Variants in TLE1 observed in about 807,000 individuals in gnomAD.
The protein encoded by TLE1 is TLE family member 1, transcriptional corepressor.
Under a neutral mutation model 89.8 loss-of-function variants are expected in TLE1, and 21 were observed. That is an observed-to-expected ratio of 0.23 (90% CI 0.17 to 0.34). TLE1 has a LOEUF of 0.34. Ranked by LOEUF, TLE1 falls within the 10% of genes least tolerant of loss-of-function variation. The pLI, the probability that TLE1 is intolerant of heterozygous loss-of-function variation, is 1.00. For missense variants in TLE1, 795 were observed against 1,031.2 expected, an observed-to-expected ratio of 0.77 and a Z score of 3.14; for synonymous variants, 447 against 407.6, an observed-to-expected ratio of 1.10 and a Z score of -1.16.
At chr9:81,595,186 T>C (rs1452841567) in intron 14 of TLE1, among the ~76,000 whole-genome samples, 2 of 152,200 alleles carry the variant, frequency 1.3e-5, no homozygotes, top group Admixed American at 6.5e-5. Context: ...TCATTTTTTA[T>C]CCAACAGGAT....
intron 10 of TLE1, 108 bp downstream of exon 10, chr9:81,616,538 A>C: frequency 8.8e-7 from 1 of 1,131,500 alleles, no homozygotes; most frequent in Non-Finnish European, 1.3e-6. Context: ...AGAAGTTGCA[A>C]GAGGTCCCCC....
intron 4 of TLE1, among the ~76,000 whole-genome samples, chr9:81,677,079 T>C (rs1474171405): frequency 6.6e-6 from 1 of 151,390 alleles, no homozygotes; most frequent in East Asian, 2.0e-4. Context: ...TCTACCAAAA[T>C]GTAACAATTA....
intron 8 of TLE1, among the ~76,000 whole-genome samples, chr9:81,629,803 T>TA (rs2132299164): frequency 6.6e-6 from 1 of 152,280 alleles, no homozygotes; most frequent in East Asian, 1.9e-4. Flanking sequence ...AAAGGTACAG[T>TA]AAAAATACGG....
At position 81,659,970 on chromosome 9, in the gene TLE1, G is replaced by A. The variant is rs78892898; in HGVS notation, c.235-5934C>T. Among the ~76,000 whole-genome samples, 1,223 of 152,018 alleles carry A rather than the reference G, an allele frequency of 8.0e-3. 15 individuals are homozygous for A. The highest frequency in any genetic ancestry group is 0.028 in the African/African-American group (1,141 of 41,450). On this transcript the variant is annotated intron_variant, in intron 4 of 19. Transcript: ENST00000376499. ...CCTTTCCCCCATAACGCCAATAAACGCACTCTTCTCTAGGCCCTTCAAGAT... is the reference window on the plus strand; with the variant it reads ...CCTTTCCCCCATAACGCCAATAAACACACTCTTCTCTAGGCCCTTCAAGAT...
At chr9:81,630,669 C>T (rs1321722299) in intron 8 of TLE1, among the ~76,000 whole-genome samples, 2 of 152,156 alleles carry the variant, frequency 1.3e-5, no homozygotes, top group Non-Finnish European at 2.9e-5. Context: ...TAACCTTTCA[C>T]TGGATTAAAA....
chr9:81,604,215 C>A (rs1455882041), intron 14 of TLE1, among the ~76,000 whole-genome samples: 1 of 152,182 alleles, frequency 6.6e-6, no homozygotes. Context: ...TCCTTCCCTG[C>A]ACCCCATCCT....
intron 8 of TLE1, among the ~76,000 whole-genome samples, chr9:81,632,360 C>A (rs1288825638): frequency 6.6e-6 from 1 of 151,118 alleles, no homozygotes; most frequent in Admixed American, 6.6e-5. Context: ...GTCTCAAAGA[C>A]AATTTTAAAA....
chr9:81,681,946 T>C (rs976572906), intron 4 of TLE1, among the ~76,000 whole-genome samples: 2 of 151,956 alleles, frequency 1.3e-5, no homozygotes, highest in African/African-American at 4.8e-5. Flanking sequence ...CATGAGGGGA[T>C]AGGAAGAAGC....
chr9:81,668,122 G>A (rs1248626315), intron 4 of TLE1, among the ~76,000 whole-genome samples: 1 of 151,722 alleles, frequency 6.6e-6, no homozygotes, highest in Non-Finnish European at 1.5e-5. Flanking sequence ...CCGAGATCGC[G>A]CCACTGCACT....
intron 14 of TLE1, among the ~76,000 whole-genome samples, chr9:81,596,534 A>G (rs546655588): frequency 6.6e-6 from 1 of 152,310 alleles, no homozygotes; most frequent in East Asian, 1.9e-4. Flanking sequence ...ACCATGGTGA[A>G]GGGATCCCAG....
At chr9:81,627,802 C>T (rs868767584) in intron 8 of TLE1, among the ~76,000 whole-genome samples, 3 of 152,108 alleles carry the variant, frequency 2.0e-5, no homozygotes, top group Non-Finnish European at 2.9e-5. Flanking sequence ...AAAGTGATCA[C>T]GTTAATAAGC....
chr9:81,666,804 T>TAAATAAATAAATA (rs1554696559), intron 4 of TLE1, among the ~76,000 whole-genome samples: 4 of 145,720 alleles, frequency 2.7e-5, no homozygotes, highest in African/African-American at 7.4e-5. Flanking sequence ...AATAAATAAA[T>TAAATAAATAAATA]AAATAAAATA....
At chr9:81,673,931 G>T (rs1832574023) in intron 4 of TLE1, among the ~76,000 whole-genome samples, 1 of 152,114 alleles carries the variant, frequency 6.6e-6, no homozygotes. Context: ...CCATCTGGTG[G>T]TCCATCCTTT....
chr9:81,621,975 G>A (rs78808153), intron 8 of TLE1, among the ~76,000 whole-genome samples: 8,553 of 152,232 alleles, frequency 0.056, 319 homozygotes, highest in East Asian at 0.083. Flanking sequence ...GAAGCTCTAA[G>A]TAATGTCTTT....
intron 6 of TLE1, among the ~76,000 whole-genome samples, chr9:81,635,012 C>A (rs1414687436): frequency 6.6e-6 from 1 of 152,130 alleles, no homozygotes; most frequent in Non-Finnish European, 1.5e-5. Context: ...TTGCAATTCC[C>A]ATTTCCCAGA....
chr9:81,657,894 T>G (rs1830328111), intron 4 of TLE1, among the ~76,000 whole-genome samples: 1 of 150,268 alleles, frequency 6.7e-6, no homozygotes, highest in Admixed American at 6.6e-5. Flanking sequence ...ACATGTTCAC[T>G]ACAGACATAA....
Position 81,688,433 on chromosome 9 carries a change from G to A in TLE1, c.-193C>T. On this transcript the variant is annotated 5_prime_UTR_variant, in exon 1 of 20. Transcript: ENST00000376499. Reference sequence around the variant, plus strand: ...GCTGCTCCGGCTCCCGCTCCCGTCGGTGCGGGCTCCGGCCCTCAGGGCCAC... The same window carrying A: ...GCTGCTCCGGCTCCCGCTCCCGTCGATGCGGGCTCCGGCCCTCAGGGCCAC... 3 of 553,200 alleles carry A rather than the reference G, an allele frequency of 5.4e-6. No individual in the cohort carries two copies. Among genetic ancestry groups the A allele is most frequent in the East Asian group, 3.7e-5 (1 of 27,352 alleles). 34.3% of individuals were successfully genotyped at this position (553,200 alleles called of 1,614,324 possible).
intron 14 of TLE1, among the ~76,000 whole-genome samples, chr9:81,602,290 C>T (rs912436210): frequency 1.3e-5 from 2 of 152,136 alleles, no homozygotes; most frequent in African/African-American, 2.4e-5. Flanking sequence ...CCAGCGGGGC[C>T]TTGAAGGGCA....
chr9:81,584,654 G>A (rs1438228334), intron 18 of TLE1, 130 bp from the exon 19 acceptor site: 2 of 773,572 alleles, frequency 2.6e-6, no homozygotes, highest in East Asian at 5.3e-5. Context: ...ACTGGTCCAT[G>A]ATATGAACAG....
Sources: allele counts gnomAD v4.1 joint callset (sites outside exome capture counted in the v4.1 genomes callset), GRCh38; gene constraint gnomAD v4.1.1; transcripts MANE v1.5; gene names NCBI Gene and HGNC (gene_info 2026-07-23, HGNC 2026-07-21).